The following ARHGAP28 variants were observed in gnomAD, a reference collection of about 807,000 sequenced individuals.
ARHGAP28 encodes the protein rho GTPase-activating protein 28.
ARHGAP28 carries 56 observed loss-of-function variants against 90.7 expected under a neutral mutation model. That is an observed-to-expected ratio of 0.62 (90% confidence interval 0.50 to 0.77). ARHGAP28 has a LOEUF of 0.77. Among genes scored for constraint, ARHGAP28 ranks in the 30% least tolerant of loss-of-function variants. The probability of loss-of-function intolerance (pLI) is 0.00; values close to 1 mark genes in which losing one functional copy is unlikely to be tolerated. For missense variants in ARHGAP28, 869 were observed against 900.9 expected (o/e 0.96, Z 0.45); for synonymous variants, 308 against 323.3 (o/e 0.95, Z 0.51).
chr18:6,905,104 TA>T (rs201355877), intron 16 of ARHGAP28, among the ~76,000 whole-genome samples: 17 of 149,474 alleles, frequency 1.1e-4, no homozygotes, highest in Admixed American at 3.3e-4. Context: ...AAAAAAGCCA[TA>T]AAAAAAAACA....
chr18:6,827,171 T>C (rs2143791668), intron 2 of ARHGAP28, among the ~76,000 whole-genome samples: 1 of 152,350 alleles, frequency 6.6e-6, no homozygotes, highest in South Asian at 2.1e-4. Context: ...ACCGCCATTG[T>C]CATCATGGCC....
chr18:6,884,663 G>A (rs2143667556), intron 11 of ARHGAP28, among the ~76,000 whole-genome samples: 1 of 152,262 alleles, frequency 6.6e-6, no homozygotes, highest in East Asian at 1.9e-4. Context: ...TCAACTGTGT[G>A]TTCAGTTGTT....
At chr18:6,885,371 A>AGC (rs1351709897) in intron 11 of ARHGAP28, among the ~76,000 whole-genome samples, 1 of 152,102 alleles carries the variant, frequency 6.6e-6, no homozygotes, top group Admixed American at 6.5e-5. Flanking sequence ...ATTGTGAACA[A>AGC]GCGCGTGTGT....
At chr18:6,789,432 A>G (rs1388168627) in intron 1 of ARHGAP28, 1 of 152,220 alleles carries the variant, frequency 6.6e-6, no homozygotes, top group African/African-American at 2.4e-5. Context: ...ATAATTAGCC[A>G]GGCATGGTGG....
intron 1 of ARHGAP28, among the ~76,000 whole-genome samples, chr18:6,795,400 G>A (rs2056434867): frequency 6.6e-6 from 1 of 152,040 alleles, no homozygotes; most frequent in African/African-American, 2.4e-5. Context: ...GGCTGGGGAA[G>A]GGAGAGGATT....
At chr18:6,838,605 G>A (rs2056772130) in intron 3 of ARHGAP28, among the ~76,000 whole-genome samples, 1 of 152,204 alleles carries the variant, frequency 6.6e-6, no homozygotes, top group Non-Finnish European at 1.5e-5. Flanking sequence ...CACTTTAAAT[G>A]TGGCTAGTGT....
intron 16 of ARHGAP28, chr18:6,898,014 T>G (rs2057316412): frequency 6.5e-6 from 1 of 152,864 alleles, no homozygotes; most frequent in Non-Finnish European, 1.5e-5. Context: ...TTGTTACCAT[T>G]GTGGAAAATG....
In ARHGAP28 at chr18:6,859,917, A is replaced by C; in HGVS notation, c.726+20A>C. 1 of 1,604,082 alleles carries C rather than the reference A, an allele frequency of 6.2e-7. No individual in the cohort carries two copies. Among genetic ancestry groups the C allele is most frequent in the Non-Finnish European group, 8.5e-7 (1 of 1,171,088 alleles). ...TCTGTGGTAAGTCATCCATGTCAGC[A>C]CAGTTACATGTCAAGGTACAGTTGC... is the stretch of plus-strand genomic sequence containing the variant. On this transcript the variant is annotated intron_variant, in intron 5 of 17. Transcript: ENST00000383472.
At chr18:6,846,226 GGAA>G (rs536836173) in intron 3 of ARHGAP28, among the ~76,000 whole-genome samples, 1 of 152,070 alleles carries the variant, frequency 6.6e-6, no homozygotes, top group African/African-American at 2.4e-5. Context: ...TCCTGTTAAG[GGAA>G]GAAGGATTCT....
chr18:6,806,678 T>C (rs2056521378), intron 1 of ARHGAP28, among the ~76,000 whole-genome samples: 1 of 152,118 alleles, frequency 6.6e-6, no homozygotes, highest in South Asian at 2.1e-4. Context: ...AATAATTTTA[T>C]ATTTAACCTT....
intron 2 of ARHGAP28, among the ~76,000 whole-genome samples, chr18:6,826,334 C>T (rs1039392435): frequency 4.6e-5 from 7 of 151,774 alleles, no homozygotes; most frequent in African/African-American, 7.3e-5. Flanking sequence ...ATTTGCTTTT[C>T]GCTTGTTGAT....
chr18:6,791,844 T>TTG (rs1555627090), intron 1 of ARHGAP28, among the ~76,000 whole-genome samples: 16 of 152,212 alleles, frequency 1.1e-4, no homozygotes, highest in Non-Finnish European at 1.9e-4. Flanking sequence ...TGTGGGTTTT[T>TTG]TTTGTTTGTT....
At chr18:6,903,826 CAAAAAA>C (rs35606759) in intron 16 of ARHGAP28, among the ~76,000 whole-genome samples, 1 of 84,058 alleles carries the variant, frequency 1.2e-5, no homozygotes, top group African/African-American at 5.0e-5. Flanking sequence ...GACTCCATCT[CAAAAAA>C]AAAAAAAAAA....
In ARHGAP28 at chr18:6,915,451, T is replaced by G. The variant is rs2057417635; in HGVS notation, c.*3297T>G. On this transcript the variant is annotated 3_prime_UTR_variant, in exon 18 of 18. Coordinates refer to ENST00000383472, the MANE Select transcript of ARHGAP28 (RefSeq NM_001366230.1). ...TTCCACAAATAAAAATAATATGTCATGGGATTAAAATGTTTGTTTTCAAGC... is the reference window on the plus strand; with the variant it reads ...TTCCACAAATAAAAATAATATGTCAGGGGATTAAAATGTTTGTTTTCAAGC... The G allele has an allele frequency of 2.0e-5, 3 of 152,212 alleles. No individual in the cohort carries two copies. Among genetic ancestry groups the G allele is most frequent in the Admixed American group, 6.5e-5 (1 of 15,282 alleles). The allele number at this position is 152,212 out of a possible 1,614,324, so 9.4% of individuals were successfully genotyped here.
At chr18:6,862,908 C>T (rs1179554510) in intron 5 of ARHGAP28, among the ~76,000 whole-genome samples, 1 of 152,068 alleles carries the variant, frequency 6.6e-6, no homozygotes. Context: ...GGTATTTAAA[C>T]CGTAAGATTT....
chr18:6,802,950 CTT>C (rs1252799501), intron 1 of ARHGAP28, among the ~76,000 whole-genome samples: 3 of 152,146 alleles, frequency 2.0e-5, no homozygotes, highest in South Asian at 2.1e-4. Flanking sequence ...TGTATCATAA[CTT>C]TGCAAAATTC....
chr18:6,755,608 G>A (rs371629619), intron 1 of ARHGAP28, among the ~76,000 whole-genome samples: 2 of 152,212 alleles, frequency 1.3e-5, no homozygotes, highest in African/African-American at 4.8e-5. Context: ...TGCACTGGTT[G>A]TGCCTAAGTA....
chr18:6,908,272 G>A (rs1004578700), intron 16 of ARHGAP28, among the ~76,000 whole-genome samples: 1 of 152,000 alleles, frequency 6.6e-6, no homozygotes, highest in Non-Finnish European at 1.5e-5. Flanking sequence ...TGGGTAGCTG[G>A]AACTACAGGC....
At chr18:6,819,115 A>G (rs2056610260) in intron 1 of ARHGAP28, among the ~76,000 whole-genome samples, 1 of 152,224 alleles carries the variant, frequency 6.6e-6, no homozygotes, top group Non-Finnish European at 1.5e-5. Context: ...CCCATAGAGT[A>G]TTTCATAGTA....
Sources: gnomAD v4.1 joint callset for allele counts (sites outside exome capture counted in the v4.1 genomes callset) on GRCh38, gnomAD v4.1.1 for gene constraint, MANE v1.5 for transcripts, NCBI Gene and HGNC (gene_info 2026-07-23, HGNC 2026-07-21) for gene names.